RBMS3: variants seen among roughly 807,000 people sequenced by gnomAD.
RBMS3 encodes RNA binding motif single stranded interacting protein 3.
In RBMS3, 27 loss-of-function variants were observed where a neutral mutation model predicts 66.8. The ratio of observed to expected loss-of-function variants is 0.40; its 90% CI spans 0.30 to 0.56. The LOEUF is 0.56. Ranked by LOEUF, RBMS3 falls within the 20% of genes least tolerant of loss-of-function variation. The pLI is 0.40. For synonymous variants in RBMS3, 188 were observed against 183.0 expected, an observed-to-expected ratio of 1.03 and a Z score of -0.22; for missense variants, 513 against 549.5, an observed-to-expected ratio of 0.93 and a Z score of 0.66.
intron 4 of RBMS3, among the ~76,000 whole-genome samples, chr3:29,705,819 G>C (rs1363433440): frequency 1.3e-5 from 2 of 152,150 alleles, no homozygotes; most frequent in Admixed American, 6.5e-5. Flanking sequence ...TTGGTATTCA[G>C]ATTAAAGAAC....
chr3:29,420,998 AACT>A (rs201825546), intron 1 of RBMS3, among the ~76,000 whole-genome samples: 15,843 of 151,104 alleles, frequency 0.1, 1,138 homozygotes, highest in East Asian at 0.29. Context: ...CTGTAGTCCC[AACT>A]ACTCGAGAGG....
intron 1 of RBMS3, among the ~76,000 whole-genome samples, chr3:29,356,833 T>C (rs2037249798): frequency 6.6e-6 from 1 of 152,292 alleles, no homozygotes; most frequent in East Asian, 1.9e-4. Context: ...GGGTTAATGA[T>C]AGCATTTATT....
At chr3:29,366,602 T>C (rs2037920883) in intron 1 of RBMS3, among the ~76,000 whole-genome samples, 1 of 152,042 alleles carries the variant, frequency 6.6e-6, no homozygotes, top group African/African-American at 2.4e-5. Flanking sequence ...CAAGCTGATC[T>C]GGGATCAAGC....
chr3:29,416,357 ATTC>A (rs1005889647), intron 1 of RBMS3, among the ~76,000 whole-genome samples: 1 of 119,954 alleles, frequency 8.3e-6, no homozygotes, highest in Non-Finnish European at 1.8e-5. Context: ...ATCATTTTGT[ATTC>A]TTCTCAAAAA....
At chr3:29,782,997 TA>T (rs1048160845) in intron 6 of RBMS3, among the ~76,000 whole-genome samples, 1 of 151,726 alleles carries the variant, frequency 6.6e-6, no homozygotes, top group African/African-American at 2.4e-5. Flanking sequence ...AAAAAGAATT[TA>T]AAAAAAAGAA....
intron 6 of RBMS3, among the ~76,000 whole-genome samples, chr3:29,829,009 T>TTG (rs1436343896): frequency 2.2e-5 from 1 of 46,182 alleles, no homozygotes; most frequent in East Asian, 3.1e-4. Context: ...TTTCTTTCTT[T>TTG]CTTTCTTTCT....
At chr3:29,777,069 A>G (rs528050012) in intron 6 of RBMS3, among the ~76,000 whole-genome samples, 14 of 151,876 alleles carry the variant, frequency 9.2e-5, no homozygotes, top group Non-Finnish European at 1.5e-4. Context: ...TTTTCCCAGC[A>G]TATCATTGCA....
At chr3:29,904,207 G>A (rs1242015479) in intron 10 of RBMS3, among the ~76,000 whole-genome samples, 1 of 151,906 alleles carries the variant, frequency 6.6e-6, no homozygotes. Flanking sequence ...ACAATGAAAT[G>A]CAAGGCTTAT....
intron 4 of RBMS3, among the ~76,000 whole-genome samples, chr3:29,682,500 G>A (rs2051542488): frequency 6.6e-6 from 1 of 152,122 alleles, no homozygotes; most frequent in African/African-American, 2.4e-5. Flanking sequence ...ATGATTTTTG[G>A]CTGCTTGGGG....
intron 6 of RBMS3, among the ~76,000 whole-genome samples, chr3:29,793,300 C>A (rs1224033315): frequency 2.0e-5 from 3 of 151,336 alleles, no homozygotes; most frequent in Non-Finnish European, 4.4e-5. Flanking sequence ...CATAATTCAG[C>A]CTAAAAGTTA....
chr3:29,770,154 C>CT (rs2056133526), intron 6 of RBMS3, among the ~76,000 whole-genome samples: 1 of 151,896 alleles, frequency 6.6e-6, no homozygotes, highest in East Asian at 1.9e-4. Context: ...TGTCTCTAAA[C>CT]TTTTTGCCAC....
At chr3:29,683,795 G>T (rs2051601584) in intron 4 of RBMS3, among the ~76,000 whole-genome samples, 1 of 152,178 alleles carries the variant, frequency 6.6e-6, no homozygotes, top group Non-Finnish European at 1.5e-5. Flanking sequence ...ATCTTTAAGA[G>T]CCAAATTAAC....
chr3:29,863,632 A>T (rs549159541), intron 6 of RBMS3, among the ~76,000 whole-genome samples: 349 of 152,258 alleles, frequency 2.3e-3, no homozygotes, highest in Non-Finnish European at 3.5e-3. Flanking sequence ...AAAATTGTAA[A>T]ATTTATGAAG....
intron 4 of RBMS3, among the ~76,000 whole-genome samples, chr3:29,709,985 CG>C (rs1479736957): frequency 6.6e-6 from 1 of 152,096 alleles, no homozygotes; most frequent in Non-Finnish European, 1.5e-5. Context: ...AGAAAAAACA[CG>C]TTACCATTTT....
At chr3:29,751,776 C>G (rs949187894) in intron 5 of RBMS3, among the ~76,000 whole-genome samples, 1 of 152,200 alleles carries the variant, frequency 6.6e-6, no homozygotes, top group Non-Finnish European at 1.5e-5. Flanking sequence ...AAAGGGGCGG[C>G]TCGGTTAGGC....
At chr3:29,854,593 A>G (rs892075000) in intron 6 of RBMS3, among the ~76,000 whole-genome samples, 1 of 152,214 alleles carries the variant, frequency 6.6e-6, no homozygotes, top group Non-Finnish European at 1.5e-5. Flanking sequence ...TCGTAGAGAA[A>G]GGAAGGTTGA....
chr3:29,281,506 G>A lies in RBMS3; in HGVS notation c.-176G>A, dbSNP rs1367783591. 1.8e-6 allele frequency: 1 copy of A among 547,340 alleles called. No homozygotes were observed. The highest frequency in any genetic ancestry group is 2.0e-5 in the African/African-American group (1 of 49,054). The allele number at this position is 547,340 out of a possible 1,614,324, so 33.9% of individuals were successfully genotyped here. On this transcript the variant is annotated 5_prime_UTR_variant, in exon 1 of 15. Coordinates refer to ENST00000383767, the MANE Select transcript of RBMS3 (RefSeq NM_001003793.3). ...TTTTTTCCTTTGGTGTGTGTTTTTTGTTTTGTTTTGTTTTTTAAAAAAATT... is the reference window on the plus strand; with the variant it reads ...TTTTTTCCTTTGGTGTGTGTTTTTTATTTTGTTTTGTTTTTTAAAAAAATT...
chr3:29,599,623 G>C (rs998447191), intron 4 of RBMS3, among the ~76,000 whole-genome samples: 1 of 151,994 alleles, frequency 6.6e-6, no homozygotes, highest in African/African-American at 2.4e-5. Flanking sequence ...ACGTCCACAG[G>C]TGTGTAGGCT....
chr3:29,636,679 T>C (rs2049485588), intron 4 of RBMS3, among the ~76,000 whole-genome samples: 3 of 152,038 alleles, frequency 2.0e-5, no homozygotes, highest in Middle Eastern at 3.4e-3. Context: ...GTGTTGGAAA[T>C]ACTTGCAATA....
Sources: allele counts gnomAD v4.1 joint callset (sites outside exome capture counted in the v4.1 genomes callset), GRCh38; gene constraint gnomAD v4.1.1; transcripts MANE v1.5; gene names NCBI Gene and HGNC (gene_info 2026-07-23, HGNC 2026-07-21).